PIK3C2A: variants seen among roughly 807,000 people sequenced by gnomAD.
The protein encoded by PIK3C2A is phosphatidylinositol 4-phosphate 3-kinase C2 domain-containing subunit alpha.
A neutral mutation model predicts 204.5 loss-of-function variants in PIK3C2A; 97 were observed. The ratio of observed to expected loss-of-function variants is 0.47; its 90% confidence interval spans 0.40 to 0.56. PIK3C2A has a LOEUF of 0.56. Among genes scored for constraint, PIK3C2A ranks in the 20% least tolerant of loss-of-function variants. The probability of loss-of-function intolerance (pLI) is 0.00; values close to 1 mark genes in which losing one functional copy is unlikely to be tolerated. For synonymous variants in PIK3C2A, 653 were observed against 664.4 expected (o/e 0.98, Z 0.26); for missense variants, 1,735 against 1,969.2 (o/e 0.88, Z 2.25).
At chr11:17,140,254 A>C (rs1850016983) in intron 8 of PIK3C2A, among the ~76,000 whole-genome samples, 1 of 152,104 alleles carries the variant, frequency 6.6e-6, no homozygotes, top group Non-Finnish European at 1.5e-5. Flanking sequence ...CATTTCTTTA[A>C]AAAAGATAAA....
In PIK3C2A at chr11:17,129,289, G is replaced by C; in HGVS notation, c.2399+11C>G. 6.2e-7 allele frequency: 1 copy of C among 1,609,706 alleles called. No homozygotes were observed. The highest frequency in any genetic ancestry group is 8.5e-7 in the Non-Finnish European group (1 of 1,176,390). ...CACAGTGACTCACCATTACAATTCG[G>C]TAATACTTACCGTTTAAAGTCAAAA... is the stretch of plus-strand genomic sequence containing the variant. On this transcript the variant is annotated intron_variant, in intron 13 of 32. Transcript: ENST00000691414.
intron 1 of PIK3C2A, among the ~76,000 whole-genome samples, chr11:17,200,118 G>A (rs1316815826): frequency 6.6e-6 from 1 of 151,342 alleles, no homozygotes; most frequent in Non-Finnish European, 1.5e-5. Flanking sequence ...CCCAGGAGGA[G>A]GAAGTTGCAG....
chr11:17,170,183 G>GT (rs1197127559), intron 1 of PIK3C2A, among the ~76,000 whole-genome samples: 8 of 152,266 alleles, frequency 5.3e-5, no homozygotes, highest in Admixed American at 4.6e-4. Flanking sequence ...TTCAGACAGG[G>GT]TTTACCAATA....
At chr11:17,191,544 T>C (rs1565303931) in intron 1 of PIK3C2A, among the ~76,000 whole-genome samples, 1 of 152,220 alleles carries the variant, frequency 6.6e-6, no homozygotes, top group Non-Finnish European at 1.5e-5. Context: ...TGCTCCAACA[T>C]TTGAGACCCT....
Position 17,193,577 on chromosome 11 carries a change from G to A in PIK3C2A, c.-66+14271C>T, listed in dbSNP as rs1046373468. ...AGAAACTGCGATCAAGCCAGGTGTG[G>A]TGGCTTACGCCCGTAATCCCAGCAC... On this transcript the variant is annotated intron_variant, in intron 1 of 32. Coordinates refer to ENST00000691414, the MANE Select transcript of PIK3C2A (RefSeq NM_002645.4). 3.8e-5 allele frequency: 15 copies of A among 399,448 alleles called. 1 individual carries two copies. The highest frequency in any genetic ancestry group is 2.6e-4 in the Admixed American group (9 of 34,862). The allele number at this position is 399,448 out of a possible 1,614,324, so 24.7% of individuals were successfully genotyped here. A position where few individuals can be genotyped will look rare whatever the true frequency, so the allele number is the denominator to read the frequency against.
At chr11:17,134,724 C>T in intron 11 of PIK3C2A, 95 bp downstream of exon 11, 1 of 913,644 alleles carries the variant, frequency 1.1e-6, no homozygotes. Context: ...TGGTCTCCAA[C>T]TCCTGGGGTC....
At chr11:17,175,861 TA>T (rs1851319261) in intron 1 of PIK3C2A, among the ~76,000 whole-genome samples, 2 of 152,228 alleles carry the variant, frequency 1.3e-5, no homozygotes, top group Non-Finnish European at 2.9e-5. Context: ...GCTACCCATC[TA>T]AATGTTTTCC....
chr11:17,152,072 C>T (rs1850441034), intron 3 of PIK3C2A, among the ~76,000 whole-genome samples: 1 of 152,064 alleles, frequency 6.6e-6, no homozygotes, highest in African/African-American at 2.4e-5. Flanking sequence ...ACAAAAATTC[C>T]AGTGATAAAA....
chr11:17,119,992 T>A lies in PIK3C2A; in HGVS notation c.2658-18A>T. On this transcript the variant is annotated intron_variant, in intron 15 of 32. Coordinates refer to ENST00000691414, the MANE Select transcript of PIK3C2A (RefSeq NM_002645.4). ...TAGAAAGTCTGCATATATAATAGAATTAAATTACTTCTCAGTGATAACATA... is the reference window on the plus strand; with the variant it reads ...TAGAAAGTCTGCATATATAATAGAAATAAATTACTTCTCAGTGATAACATA... The A allele has an allele frequency of 1.8e-6, 2 of 1,094,856 alleles. No individual in the cohort carries two copies. The highest frequency in any genetic ancestry group is 2.7e-6 in the Non-Finnish European group (2 of 754,262). 67.8% of individuals were successfully genotyped at this position (1,094,856 alleles called of 1,614,324 possible).
intron 12 of PIK3C2A, among the ~76,000 whole-genome samples, chr11:17,130,944 TG>T (rs1849674209): frequency 6.6e-6 from 1 of 152,052 alleles, no homozygotes; most frequent in African/African-American, 2.4e-5. Flanking sequence ...CCCAGCACTT[TG>T]GGAGGCCGAG....
rs1243919561 is a variant in PIK3C2A at position 17,089,708 on chromosome 11, C to T, written c.*30G>A. 7 of 1,510,706 alleles carry T rather than the reference C, an allele frequency of 4.6e-6. No individual in the cohort carries two copies. Among genetic ancestry groups the T allele is most frequent in the Non-Finnish European group, 6.4e-6 (7 of 1,091,262 alleles). The allele number at this position is 1,510,706 out of a possible 1,614,324, so 93.6% of individuals were successfully genotyped here. On this transcript the variant is annotated 3_prime_UTR_variant, in exon 33 of 33. Transcript: ENST00000691414. ...GTATGCATGCACGTTTATAACTGTTCATGCTTCCAAAGCTCAAACATTCAC... is the reference window on the plus strand; with the variant it reads ...GTATGCATGCACGTTTATAACTGTTTATGCTTCCAAAGCTCAAACATTCAC...
At chr11:17,131,307 A>G (rs1413040432) in intron 12 of PIK3C2A, among the ~76,000 whole-genome samples, 1 of 152,224 alleles carries the variant, frequency 6.6e-6, no homozygotes, top group Non-Finnish European at 1.5e-5. Flanking sequence ...CCGTCTTTCT[A>G]TAACTTTCAT....
At chr11:17,125,305 G>A (rs142662426) in intron 13 of PIK3C2A, among the ~76,000 whole-genome samples, 4 of 152,078 alleles carry the variant, frequency 2.6e-5, no homozygotes, top group East Asian at 1.9e-4. Flanking sequence ...AACTGAGGGG[G>A]ACAACTGGCA....
chr11:17,152,997 A>T (rs1249617964), intron 3 of PIK3C2A, among the ~76,000 whole-genome samples: 4 of 152,254 alleles, frequency 2.6e-5, no homozygotes, highest in Middle Eastern at 3.4e-3. Flanking sequence ...ATAGGATATA[A>T]ATAGTATATA....
intron 2 of PIK3C2A, among the ~76,000 whole-genome samples, chr11:17,158,271 C>A (rs1274177505): frequency 1.3e-5 from 2 of 151,718 alleles, no homozygotes; most frequent in Admixed American, 1.3e-4. Flanking sequence ...TCACTTGAAC[C>A]CGGGAGGCGG....
At chr11:17,114,774 C>T (rs1414634011) in intron 19 of PIK3C2A, among the ~76,000 whole-genome samples, 2 of 152,106 alleles carry the variant, frequency 1.3e-5, no homozygotes, top group African/African-American at 2.4e-5. Flanking sequence ...AAAACAACAT[C>T]CTGTGTTAGG....
intron 21 of PIK3C2A, among the ~76,000 whole-genome samples, 156 bp from the exon 22 acceptor site, chr11:17,110,717 AC>A (rs1429580508): frequency 6.6e-6 from 1 of 151,598 alleles, no homozygotes; most frequent in Non-Finnish European, 1.5e-5. Flanking sequence ...CATGGTGGAA[AC>A]CCCGCCTCTA....
At chr11:17,155,484 G>T (rs919529688) in intron 3 of PIK3C2A, 42 bp downstream of exon 3, 1 of 1,154,876 alleles carries the variant, frequency 8.7e-7, no homozygotes, top group South Asian at 1.4e-5. Flanking sequence ...TGGTTTTCAA[G>T]TGAATTTTTC....
intron 1 of PIK3C2A, among the ~76,000 whole-genome samples, chr11:17,170,714 T>G (rs1468705015): frequency 2.0e-5 from 3 of 152,192 alleles, no homozygotes; most frequent in African/African-American, 7.2e-5. Context: ...AAAGGTTGCT[T>G]AGCTACTCTG....
Sources: gnomAD v4.1 joint callset for allele counts (sites outside exome capture counted in the v4.1 genomes callset) on GRCh38, gnomAD v4.1.1 for gene constraint, MANE v1.5 for transcripts, NCBI Gene and HGNC (gene_info 2026-07-23, HGNC 2026-07-21) for gene names.